Variants in PPIL4 observed in about 807,000 individuals in gnomAD.
PPIL4 encodes peptidyl-prolyl cis-trans isomerase-like 4.
In PPIL4, 50 loss-of-function variants were observed where a neutral mutation model predicts 69.1. That is an observed-to-expected ratio of 0.72 (90% CI 0.58 to 0.92). The LOEUF is 0.92. Ranked by LOEUF, PPIL4 falls within the 40% of genes least tolerant of loss-of-function variation. PPIL4 has a pLI of 0.00. For synonymous variants in PPIL4, 193 were observed against 191.6 expected (o/e 1.01, Z -0.06); for missense variants, 480 against 587.9 (o/e 0.82, Z 1.90).
chr6:149,542,401 C>T (rs1777377605), intron 1 of PPIL4, among the ~76,000 whole-genome samples: 1 of 152,158 alleles, frequency 6.6e-6, no homozygotes. Flanking sequence ...CTTCTAGATG[C>T]CTGACACTGC....
chr6:149,536,803 A>T (rs1482996557), intron 4 of PPIL4, among the ~76,000 whole-genome samples: 1 of 152,028 alleles, frequency 6.6e-6, no homozygotes, highest in Non-Finnish European at 1.5e-5. Context: ...TTAAAAGTGC[A>T]AGGTGAAGCA....
At chr6:149,514,597 C>T (rs1426658295) in intron 11 of PPIL4, among the ~76,000 whole-genome samples, 1 of 151,970 alleles carries the variant, frequency 6.6e-6, no homozygotes, top group Non-Finnish European at 1.5e-5. Flanking sequence ...GCTGGGATTA[C>T]AGGCATGAGC....
intron 1 of PPIL4, among the ~76,000 whole-genome samples, chr6:149,544,658 G>A (rs1287958174): frequency 6.6e-6 from 1 of 152,180 alleles, no homozygotes; most frequent in Non-Finnish European, 1.5e-5. Flanking sequence ...AAGAAGAGAT[G>A]ATGCTTGATC....
chr6:149,524,633 C>T (rs1777079732), intron 9 of PPIL4, among the ~76,000 whole-genome samples: 1 of 152,170 alleles, frequency 6.6e-6, no homozygotes, highest in African/African-American at 2.4e-5. Flanking sequence ...AGTGTTGTGG[C>T]TTATGCCTAT....
At chr6:149,531,277 A>G (rs2115036467) in intron 7 of PPIL4, among the ~76,000 whole-genome samples, 1 of 151,462 alleles carries the variant, frequency 6.6e-6, no homozygotes, top group South Asian at 2.1e-4. Flanking sequence ...AGGCAGAAGA[A>G]TCGCTTGAAC....
At chr6:149,517,972 A>C (rs1776974673) in intron 10 of PPIL4, 1 of 152,314 alleles carries the variant, frequency 6.6e-6, no homozygotes, top group African/African-American at 2.4e-5. Flanking sequence ...AGCCTGAGCG[A>C]CAGTGCGAAA....
At chr6:149,513,430 TATATATATAC>T (rs1776892070) in intron 11 of PPIL4, among the ~76,000 whole-genome samples, 2 of 129,764 alleles carry the variant, frequency 1.5e-5, no homozygotes, top group African/African-American at 6.0e-5. Flanking sequence ...TATATATATA[TATATATATAC>T]ATATAAAAAA....
chr6:149,540,209 A>G (rs1445863359), intron 4 of PPIL4, among the ~76,000 whole-genome samples: 2 of 152,230 alleles, frequency 1.3e-5, no homozygotes, highest in African/African-American at 4.8e-5. Context: ...AGTAGAAAAC[A>G]GAAGTACCTA....
At chr6:149,535,529 C>A in intron 5 of PPIL4, 67 bp downstream of exon 5, 1 of 1,279,366 alleles carries the variant, frequency 7.8e-7, no homozygotes. Context: ...CTATCCATAC[C>A]ACTACGTGTT....
chr6:149,537,213 A>C (rs1276835741), intron 4 of PPIL4, among the ~76,000 whole-genome samples: 1 of 152,226 alleles, frequency 6.6e-6, no homozygotes, highest in Non-Finnish European at 1.5e-5. Context: ...TTCATGAAAT[A>C]ACAAATTTTC....
intron 10 of PPIL4, among the ~76,000 whole-genome samples, chr6:149,519,689 T>C (rs1287713969): frequency 1.3e-5 from 2 of 152,174 alleles, no homozygotes; most frequent in Non-Finnish European, 2.9e-5. Context: ...TAATAATTTC[T>C]TCCTTCTCTG....
chr6:149,506,574 A>C (rs1776774634), intron 12 of PPIL4, among the ~76,000 whole-genome samples: 1 of 152,216 alleles, frequency 6.6e-6, no homozygotes, highest in Non-Finnish European at 1.5e-5. Context: ...TACATCTTCC[A>C]TGTTTAGAAA....
chr6:149,523,396 T>A (rs898487562), intron 9 of PPIL4, among the ~76,000 whole-genome samples: 11 of 151,876 alleles, frequency 7.2e-5, no homozygotes, highest in Non-Finnish European at 1.2e-4. Context: ...TAGAGATCAA[T>A]AAAAAAGTAA....
chr6:149,517,840 T>C (rs1167941878), intron 10 of PPIL4: 1 of 165,600 alleles, frequency 6.0e-6, no homozygotes, highest in Non-Finnish European at 1.3e-5. Context: ...AAGAGACCTT[T>C]TAAAGATCTA....
At chr6:149,512,397 G>T in intron 11 of PPIL4, 95 bp from the exon 12 acceptor site, 2 of 855,892 alleles carry the variant, frequency 2.3e-6, no homozygotes, top group Non-Finnish European at 1.8e-6. Flanking sequence ...AAGGCTAAAA[G>T]TAACTAAAGC....
At chr6:149,518,806 G>A (rs1776985001) in intron 10 of PPIL4, among the ~76,000 whole-genome samples, 1 of 152,074 alleles carries the variant, frequency 6.6e-6, no homozygotes, top group Non-Finnish European at 1.5e-5. Context: ...TGTAGTGGGA[G>A]GTCCTAGGTA....
intron 7 of PPIL4, among the ~76,000 whole-genome samples, chr6:149,532,571 C>A (rs9377224): frequency 1.3e-5 from 2 of 151,918 alleles, no homozygotes; most frequent in Non-Finnish European, 2.9e-5. Context: ...ACTATACAGC[C>A]TTTACTATTT....
In PPIL4 at chr6:149,509,173, T is replaced by C. The variant is rs745835168; in HGVS notation, c.1227+2982A>G. On this transcript the variant is annotated intron_variant, in intron 12 of 12. Transcript: ENST00000253329. ...CAGAATTTAATAATTTTATAGTTAA[T>C]ATTGCCTTAAAATTTCAACTTAAAA... Among the ~76,000 whole-genome samples, 67 of 152,232 alleles carry C rather than the reference T, an allele frequency of 4.4e-4. 1 individual carries two copies. The highest frequency in any genetic ancestry group is 5.2e-4 in the Admixed American group (8 of 15,294).
chr6:149,543,957 T>A (rs1376741022), intron 1 of PPIL4, among the ~76,000 whole-genome samples: 1 of 152,236 alleles, frequency 6.6e-6, no homozygotes, highest in Non-Finnish European at 1.5e-5. Flanking sequence ...TCTGGATATG[T>A]TGATCATAGA....
Sources: gnomAD v4.1 joint callset for allele counts (sites outside exome capture counted in the v4.1 genomes callset) on GRCh38, gnomAD v4.1.1 for gene constraint, MANE v1.5 for transcripts, NCBI Gene and HGNC (gene_info 2026-07-23, HGNC 2026-07-21) for gene names.